Variants in TRAPPC13 observed in about 807,000 individuals in gnomAD.
TRAPPC13 encodes the protein REV7-interacting novel NHEJ regulator 1.
In TRAPPC13, 39 loss-of-function variants were observed where a neutral mutation model predicts 54.0. The ratio of observed to expected loss-of-function variants is 0.72; its 90% CI spans 0.56 to 0.94. The LOEUF is 0.94. TRAPPC13 is among the 40% of genes least tolerant of loss of function. The pLI is 0.00. For missense variants in TRAPPC13, 386 were observed against 488.1 expected (o/e 0.79, Z 1.97); for synonymous variants, 148 against 167.7 (o/e 0.88, Z 0.91).
intron 1 of TRAPPC13, among the ~76,000 whole-genome samples, chr5:65,632,982 C>T (rs115236370): frequency 2.2e-3 from 330 of 152,168 alleles, no homozygotes; most frequent in African/African-American, 7.5e-3. Flanking sequence ...CAAAACTGAA[C>T]GTAGTACATA....
At position 65,652,623 on chromosome 5, in the gene TRAPPC13, C is replaced by G. The variant is rs193083340; in HGVS notation, c.546+78C>G. ...GACTAAAAATCTCTTATATACATTT[C>G]TAATACTGAAGCAAATCGCCAACGT... On this transcript the variant is annotated intron_variant, in intron 7 of 12. Transcript: ENST00000399438. The G allele has an allele frequency of 1.1e-4, 116 of 1,040,272 alleles. 2 individuals carry two copies. The Admixed American group carries it at 1.5e-3, about 13-fold the overall frequency. 64.4% of individuals were successfully genotyped at this position (1,040,272 alleles called of 1,614,324 possible).
At chr5:65,651,722 G>GTT (rs35982863) in intron 6 of TRAPPC13, among the ~76,000 whole-genome samples, 1 of 150,130 alleles carries the variant, frequency 6.7e-6, no homozygotes, top group South Asian at 2.1e-4. Flanking sequence ...ACTGTATATG[G>GTT]TTTTTTTCAT....
chr5:65,625,197 A>C (rs1252553006), intron 1 of TRAPPC13, 91 bp downstream of exon 1: 1 of 1,075,950 alleles, frequency 9.3e-7, no homozygotes, highest in Non-Finnish European at 1.4e-6. Context: ...ATCCTTCTTA[A>C]ACACTCAGTG....
chr5:65,647,761 C>A (rs1756268581), intron 5 of TRAPPC13, among the ~76,000 whole-genome samples: 1 of 152,020 alleles, frequency 6.6e-6, no homozygotes, highest in East Asian at 1.9e-4. Flanking sequence ...ATCCTGCATC[C>A]AGTCAGTTCA....
Position 65,660,875 on chromosome 5 carries a change from A to G in TRAPPC13, c.875A>G (p.Gln292Arg). ...AATCTAGGTGAAAGGGGAAGGTTAC[A>G]GACCAGCCAACTTCAAAGAATGGTG... ...KTNLGERGRL[Q>R]TSQLQRMAPG... Residue 292 changes from glutamine (Q) to arginine (R), a missense_variant, in exon 10 of 13, where the codon CAG (glutamine) becomes CGG (arginine). Physicochemically the swap from Gln to Arg is conservative, Grantham distance 43. Coordinates refer to ENST00000399438, the MANE Select transcript of TRAPPC13 (RefSeq NM_024941.4). The G allele has an allele frequency of 6.2e-7, 1 of 1,611,440 alleles. No individual in the cohort carries two copies. The highest frequency in any genetic ancestry group is 8.5e-7 in the Non-Finnish European group (1 of 1,178,760).
chr5:65,629,947 A>G (rs1241988666), intron 1 of TRAPPC13: 1 of 1,536,084 alleles, frequency 6.5e-7, no homozygotes, highest in South Asian at 1.2e-5. Flanking sequence ...TGGGTAAACA[A>G]TCAGAAAAGG....
At position 65,625,155 on chromosome 5, in the gene TRAPPC13, C is replaced by T. The variant is rs906305394; in HGVS notation, c.46+49C>T. Reference sequence around the variant, plus strand: ...CCCCTTTTCTGTTTCCTTGCATTCCCTACTTATCGAAGCCTTTGCCATGTA... The same window carrying T: ...CCCCTTTTCTGTTTCCTTGCATTCCTTACTTATCGAAGCCTTTGCCATGTA... On this transcript the variant is annotated intron_variant, in intron 1 of 12. Transcript: ENST00000399438. 2.0e-6 allele frequency: 3 copies of T among 1,505,700 alleles called. No individual in the cohort carries two copies. The South Asian group carries it at 3.4e-5, about 17-fold the overall frequency. The allele number at this position is 1,505,700 out of a possible 1,614,324, so 93.3% of individuals were successfully genotyped here. A position where few individuals can be genotyped will look rare whatever the true frequency, so the allele number is the denominator to read the frequency against.
At chr5:65,646,525 T>G (rs1211029568) in intron 4 of TRAPPC13, among the ~76,000 whole-genome samples, 2 of 152,320 alleles carry the variant, frequency 1.3e-5, no homozygotes, top group Middle Eastern at 3.4e-3. Flanking sequence ...CCTTCCTTAT[T>G]TGTACCTTTT....
At chr5:65,629,630 G>A in intron 1 of TRAPPC13, 2 of 1,535,832 alleles carry the variant, frequency 1.3e-6, no homozygotes, top group Non-Finnish European at 1.7e-6. Context: ...ATGTGAGAGT[G>A]ATCCCACACA....
intron 4 of TRAPPC13, among the ~76,000 whole-genome samples, chr5:65,645,375 G>A (rs1424769406): frequency 6.6e-6 from 1 of 151,932 alleles, no homozygotes; most frequent in African/African-American, 2.4e-5. Flanking sequence ...CTTAGAACAG[G>A]GCCTTGCACA....
intron 8 of TRAPPC13, among the ~76,000 whole-genome samples, chr5:65,656,373 G>A (rs941681604): frequency 7.0e-6 from 1 of 142,148 alleles, no homozygotes; most frequent in East Asian, 2.0e-4. Flanking sequence ...ATGTGGGTCT[G>A]TGGTTATTTT....
In TRAPPC13 at chr5:65,660,755, T is replaced by C; in HGVS notation, c.755T>C (p.Leu252Ser). Residue 252 changes from leucine (L) to serine (S), a missense_variant, in exon 10 of 13, where the codon TTA (leucine) becomes TCA (serine). Coordinates refer to ENST00000399438, the MANE Select transcript of TRAPPC13 (RefSeq NM_024941.4). ...YLQPMDTRQY[L>S]YCLKPKNEFA... The stretch of plus-strand genomic sequence containing the variant: ...CAACCAATGGATACACGCCAGTACT[T>C]ATACTGCCTAAAGCCAAAGAATGAA... 1 of 1,613,710 alleles carries C rather than the reference T, an allele frequency of 6.2e-7. No homozygotes were observed. The highest frequency in any genetic ancestry group is 8.5e-7 in the Non-Finnish European group (1 of 1,179,720).
chr5:65,650,919 C>A, intron 6 of TRAPPC13, 37 bp downstream of exon 6: 1 of 1,412,828 alleles, frequency 7.1e-7, no homozygotes, highest in Non-Finnish European at 1.0e-6. Context: ...TTTTTATATG[C>A]CTTTTTCTTC....
rs117529850 is a variant in TRAPPC13, at chr5:65,628,533, C to T, written c.46+3427C>T. On this transcript the variant is annotated intron_variant, in intron 1 of 12. Transcript: ENST00000399438. ...GGAGTGCAATGGGAGTACGATGGCG[C>T]GATCTCAGTTCACTGCAAACCTCAA... Among the ~76,000 whole-genome samples, 85 of 150,916 alleles carry T rather than the reference C, an allele frequency of 5.6e-4. No homozygotes were observed. The East Asian group carries it at 0.014, about 25-fold the overall frequency.
intron 4 of TRAPPC13, among the ~76,000 whole-genome samples, chr5:65,642,519 T>C (rs1403782793): frequency 6.6e-6 from 1 of 152,240 alleles, no homozygotes; most frequent in Non-Finnish European, 1.5e-5. Context: ...ATTATGCTTC[T>C]GTTTATTTAC....
intron 1 of TRAPPC13, chr5:65,630,856 A>G (rs1755517117): frequency 5.1e-6 from 1 of 198,006 alleles, no homozygotes; most frequent in Non-Finnish European, 9.1e-6. Flanking sequence ...ACGATAATGT[A>G]TCCTGTTTTG....
At chr5:65,656,531 G>A (rs1191067524) in intron 8 of TRAPPC13, among the ~76,000 whole-genome samples, 1 of 151,756 alleles carries the variant, frequency 6.6e-6, no homozygotes, top group East Asian at 1.9e-4. Flanking sequence ...TAAAGAATCT[G>A]TTTTATTTTA....
At chr5:65,637,417 A>T (rs1755790060) in intron 3 of TRAPPC13, among the ~76,000 whole-genome samples, 1 of 152,080 alleles carries the variant, frequency 6.6e-6, no homozygotes, top group Non-Finnish European at 1.5e-5. Context: ...GGATCATGAG[A>T]TCAGGAGATC....
intron 3 of TRAPPC13, among the ~76,000 whole-genome samples, chr5:65,636,321 T>C (rs1352683864): frequency 6.6e-6 from 1 of 151,982 alleles, no homozygotes; most frequent in Non-Finnish European, 1.5e-5. Flanking sequence ...TTTGTGTTTT[T>C]ATTGGAGACC....
Sources: allele counts gnomAD v4.1 joint callset (sites outside exome capture counted in the v4.1 genomes callset), GRCh38; gene constraint gnomAD v4.1.1; transcripts MANE v1.5; gene names NCBI Gene and HGNC (gene_info 2026-07-23, HGNC 2026-07-21).